Variants in PPP4R1 observed in about 807,000 individuals in gnomAD.
PPP4R1 encodes serine/threonine-protein phosphatase 4 regulatory subunit 1.
PPP4R1 carries 42 observed loss-of-function variants against 111.2 expected under a neutral mutation model. The observed-to-expected ratio is 0.38, with a 90% CI of 0.29 to 0.49. The LOEUF is 0.49. Among genes scored for constraint, PPP4R1 ranks in the 20% least tolerant of loss-of-function variants. The pLI, the probability that PPP4R1 is intolerant of heterozygous loss-of-function variation, is 0.97. For synonymous variants in PPP4R1, 409 were observed against 405.5 expected, an observed-to-expected ratio of 1.01 and a Z score of -0.10; for missense variants, 1,012 against 1,161.6, an observed-to-expected ratio of 0.87 and a Z score of 1.87.
chr18:9,593,506 T>C (rs1172184039), intron 4 of PPP4R1, among the ~76,000 whole-genome samples: 3 of 152,112 alleles, frequency 2.0e-5, no homozygotes, highest in Admixed American at 6.6e-5. Flanking sequence ...TCCTAAAATA[T>C]TACTATACAT....
intron 2 of PPP4R1, among the ~76,000 whole-genome samples, chr18:9,611,469 G>C (rs2067578314): frequency 6.6e-6 from 1 of 152,182 alleles, no homozygotes; most frequent in Non-Finnish European, 1.5e-5. Flanking sequence ...CCATGGCCCA[G>C]TGTTCCCCCT....
chr18:9,608,185 A>G (rs894928098), intron 2 of PPP4R1, among the ~76,000 whole-genome samples: 1 of 152,218 alleles, frequency 6.6e-6, no homozygotes, highest in Non-Finnish European at 1.5e-5. Flanking sequence ...TGTTCATAGC[A>G]GCTTTATTTG....
Position 9,559,549 on chromosome 18 carries a change from C to T in PPP4R1, c.1898G>A (p.Arg633His), listed in dbSNP as rs1161559589. 5.0e-6 allele frequency: 8 copies of T among 1,613,060 alleles called. No individual in the cohort carries two copies. Among genetic ancestry groups the T allele is most frequent in the Admixed American group, 1.7e-5 (1 of 59,924 alleles). ...DQYLSMTDPS[R>H]AQTVDTEIAK... ...AATTTCAGTGTCAACCGTCTGTGCA[C>T]GAGAAGGGTCAGTCATAGATAAATA... is the stretch of plus-strand genomic sequence containing the variant. The change falls in exon 14 of 20, where the codon CGT becomes CAT. Residue 633 changes from arginine to histidine, a missense_variant. Transcript: ENST00000400556.
At chr18:9,604,352 C>T (rs1418917019) in intron 2 of PPP4R1, among the ~76,000 whole-genome samples, 2 of 152,098 alleles carry the variant, frequency 1.3e-5, no homozygotes, top group Admixed American at 6.6e-5. Context: ...TGCCCTTGCA[C>T]GCCCTCCCTC....
chr18:9,563,687 A>G, intron 11 of PPP4R1, 137 bp from the exon 12 acceptor site: 1 of 740,224 alleles, frequency 1.4e-6, no homozygotes, highest in Non-Finnish European at 2.0e-6. Flanking sequence ...CTGGAAAAAA[A>G]TTTCTACTGT....
chr18:9,597,075 C>T (rs772693432), intron 2 of PPP4R1, among the ~76,000 whole-genome samples: 16 of 152,062 alleles, frequency 1.1e-4, no homozygotes, highest in Non-Finnish European at 2.2e-4. Flanking sequence ...CGAGGGTGTA[C>T]TCTTCTATAA....
At chr18:9,555,973 AAAACAAAC>A (rs886759220) in intron 15 of PPP4R1, among the ~76,000 whole-genome samples, 1 of 144,188 alleles carries the variant, frequency 6.9e-6, no homozygotes, top group Non-Finnish European at 1.5e-5. Flanking sequence ...CATCTCTACT[AAAACAAAC>A]AAACAAACAA....
At chr18:9,594,941 G>C in intron 3 of PPP4R1, 77 bp downstream of exon 3, 1 of 1,515,866 alleles carries the variant, frequency 6.6e-7, no homozygotes, top group Non-Finnish European at 9.0e-7. Flanking sequence ...CTTTAAAGTG[G>C]ATACTTTCAT....
At chr18:9,554,814 A>G (rs56198680) in intron 15 of PPP4R1, among the ~76,000 whole-genome samples, 4,898 of 152,290 alleles carry the variant, frequency 0.032, 86 homozygotes, top group Middle Eastern at 0.037. Context: ...CAAAGGACAA[A>G]TCAAAGGACA....
chr18:9,570,736 T>TA (rs1302647802), intron 10 of PPP4R1, 53 bp from the exon 11 acceptor site: 6 of 1,474,718 alleles, frequency 4.1e-6, no homozygotes, highest in South Asian at 1.4e-5. Context: ...ATAATTACTT[T>TA]AAAAAAACTG....
chr18:9,598,684 C>T (rs1436392538), intron 2 of PPP4R1, among the ~76,000 whole-genome samples: 1 of 152,090 alleles, frequency 6.6e-6, no homozygotes, highest in East Asian at 1.9e-4. Context: ...GAAAATTACA[C>T]CAGATGAGAA....
In PPP4R1 at chr18:9,612,544, T is replaced by G. The variant is rs1190719826; in HGVS notation, c.52+1682A>C. 9 of 152,230 alleles carry G rather than the reference T, an allele frequency of 5.9e-5. No homozygotes were observed. The East Asian group carries it at 1.5e-3, about 26-fold the overall frequency. The allele number at this position is 152,230 out of a possible 1,614,324, so 9.4% of individuals were successfully genotyped here. On this transcript the variant is annotated intron_variant, in intron 2 of 19. Coordinates refer to ENST00000400556, the MANE Select transcript of PPP4R1 (RefSeq NM_001042388.3). ...GCTTCTTGGGGGCTAAGGAAGAAACTGAGACTGCATTTCATCCTTCAGGAG... is the reference window on the plus strand; with the variant it reads ...GCTTCTTGGGGGCTAAGGAAGAAACGGAGACTGCATTTCATCCTTCAGGAG...
chr18:9,600,273 T>C (rs780342033), intron 2 of PPP4R1, among the ~76,000 whole-genome samples: 2 of 143,456 alleles, frequency 1.4e-5, no homozygotes, highest in African/African-American at 5.1e-5. Context: ...GCTAGAAAGA[T>C]AATGGAGAAA....
At chr18:9,593,704 G>C in intron 4 of PPP4R1, 64 bp downstream of exon 4, 1 of 1,416,482 alleles carries the variant, frequency 7.1e-7, no homozygotes, top group Non-Finnish European at 9.9e-7. Context: ...TTAGTTTTTA[G>C]AAACACAAAT....
chr18:9,576,279 G>C lies in PPP4R1; in HGVS notation c.1046+785C>G, dbSNP rs550640389. Among the ~76,000 whole-genome samples, 5 of 152,280 alleles carry C rather than the reference G, an allele frequency of 3.3e-5. No homozygotes were observed. In the South Asian group the frequency reaches 1.0e-3, roughly 32 times the overall value. On this transcript the variant is annotated intron_variant, in intron 10 of 19. Transcript: ENST00000400556. ...ACACTATGGTAACTCAAGCATTATAGCAGGGACTGTTTCAAATATTTGTAC... is the reference window on the plus strand; with the variant it reads ...ACACTATGGTAACTCAAGCATTATACCAGGGACTGTTTCAAATATTTGTAC...
chr18:9,578,443 T>G (rs564402740), intron 9 of PPP4R1, among the ~76,000 whole-genome samples: 5 of 152,114 alleles, frequency 3.3e-5, no homozygotes, highest in Non-Finnish European at 5.9e-5. Context: ...CTTGCTATGT[T>G]GCCCAGACTG....
intron 2 of PPP4R1, among the ~76,000 whole-genome samples, chr18:9,599,279 T>C (rs1568124154): frequency 6.6e-6 from 1 of 152,176 alleles, no homozygotes; most frequent in African/African-American, 2.4e-5. Flanking sequence ...TACTTGAAGT[T>C]AGACTGTGGA....
At chr18:9,584,385 C>A in intron 8 of PPP4R1, 130 bp downstream of exon 8, 1 of 756,044 alleles carries the variant, frequency 1.3e-6, no homozygotes, top group Non-Finnish European at 2.0e-6. Flanking sequence ...CTCCTAAATT[C>A]AAAATTATCT....
At chr18:9,588,277 A>G (rs777356987) in intron 5 of PPP4R1, 42 bp from the exon 6 acceptor site, 1 of 1,573,510 alleles carries the variant, frequency 6.4e-7, no homozygotes, top group Non-Finnish European at 8.7e-7. Flanking sequence ...CATATGCAAC[A>G]TGACAAAATT....
Sources: gnomAD v4.1 joint callset for allele counts (sites outside exome capture counted in the v4.1 genomes callset) on GRCh38, gnomAD v4.1.1 for gene constraint, MANE v1.5 for transcripts, NCBI Gene and HGNC (gene_info 2026-07-23, HGNC 2026-07-21) for gene names.